Variants in SEPTIN7 observed in about 807,000 individuals in gnomAD.
The protein encoded by SEPTIN7 is septin-7.
In SEPTIN7, 10 loss-of-function variants were observed where a neutral mutation model predicts 63.3. That is an observed-to-expected ratio of 0.16 (90% confidence interval 0.10 to 0.27). The LOEUF (loss-of-function observed/expected upper bound fraction) is 0.27. Ranked by LOEUF, SEPTIN7 falls within the 10% of genes least tolerant of loss-of-function variation. The pLI, the probability that SEPTIN7 is intolerant of heterozygous loss-of-function variation, is 1.00. For synonymous variants in SEPTIN7, 131 were observed against 165.3 expected, an observed-to-expected ratio of 0.79 and a Z score of 1.59; for missense variants, 310 against 521.0, an observed-to-expected ratio of 0.59 and a Z score of 3.94.
At chr7:35,913,835 A>T in the SEPTIN7 span, among the ~76,000 whole-genome samples, 2 of 152,156 alleles carry the variant, frequency 1.3e-5, no homozygotes, top group Non-Finnish European at 2.9e-5. Context: ...AGTGAGCCTT[A>T]CACCTTGGCC....
intron 1 of SEPTIN7, among the ~76,000 whole-genome samples, chr7:35,830,254 A>G (rs1483699935): frequency 1.3e-5 from 2 of 152,036 alleles, no homozygotes; most frequent in African/African-American, 4.8e-5. Context: ...TATGCACTGT[A>G]TGTTTGGGGG....
At chr7:35,839,264 A>C (rs1784283216) in intron 3 of SEPTIN7, among the ~76,000 whole-genome samples, 1 of 152,232 alleles carries the variant, frequency 6.6e-6, no homozygotes, top group African/African-American at 2.4e-5. Context: ...TAGCAGCAAG[A>C]GATAATAATC....
chr7:35,880,223 C>CTTTTCTTTT (rs1786768910), intron 7 of SEPTIN7, among the ~76,000 whole-genome samples: 2 of 72,776 alleles, frequency 2.7e-5, no homozygotes, highest in Non-Finnish European at 5.2e-5. Context: ...TTTTTCTTTT[C>CTTTTCTTTT]TTTTTTTTTT....
At chr7:35,874,332 G>A (rs1046350988) in intron 6 of SEPTIN7, among the ~76,000 whole-genome samples, 1 of 152,218 alleles carries the variant, frequency 6.6e-6, no homozygotes, top group South Asian at 2.1e-4. Flanking sequence ...TAAGACCTAA[G>A]AATCTAGACA....
intron 1 of SEPTIN7, among the ~76,000 whole-genome samples, chr7:35,824,068 T>C (rs59284520): frequency 0.034 from 5,153 of 151,996 alleles, 315 homozygotes; most frequent in African/African-American, 0.12. Flanking sequence ...TGCTATCCTG[T>C]TGTTCTTCTC....
At chr7:35,878,121 C>G (rs1223957774) in intron 6 of SEPTIN7, among the ~76,000 whole-genome samples, 1 of 152,044 alleles carries the variant, frequency 6.6e-6, no homozygotes, top group African/African-American at 2.4e-5. Context: ...TAGTGAGGAC[C>G]CATCTGTATG....
downstream of SEPTIN7, among the ~76,000 whole-genome samples, chr7:35,908,564 A>G (rs546067011): frequency 1.2e-4 from 19 of 152,222 alleles, no homozygotes; most frequent in African/African-American, 4.1e-4. Context: ...CTGAAACCCT[A>G]TGGGGGTGGG....
chr7:35,835,489 C>T (rs1301813396), intron 3 of SEPTIN7, among the ~76,000 whole-genome samples: 2 of 152,104 alleles, frequency 1.3e-5, no homozygotes, highest in African/African-American at 4.8e-5. Flanking sequence ...AGGTTACTTG[C>T]CCATGGTTAC....
chr7:35,867,620 G>A (rs1211516377), intron 4 of SEPTIN7, among the ~76,000 whole-genome samples: 1 of 152,170 alleles, frequency 6.6e-6, no homozygotes, highest in Non-Finnish European at 1.5e-5. Context: ...AAAGTGCCGG[G>A]ATTACAGGCG....
intron 1 of SEPTIN7, among the ~76,000 whole-genome samples, chr7:35,831,090 T>C (rs953053243): frequency 2.6e-5 from 4 of 152,194 alleles, no homozygotes; most frequent in African/African-American, 9.7e-5. Flanking sequence ...GGTTCCTGTA[T>C]ACCTTCCTGG....
chr7:35,915,195 G>A, the SEPTIN7 span, among the ~76,000 whole-genome samples: 75 of 136,194 alleles, frequency 5.5e-4, no homozygotes, highest in African/African-American at 1.9e-3. Flanking sequence ...ATGAAATAAA[G>A]GGGTGGGTCT....
chr7:35,822,361 C>G (rs1289487352), intron 1 of SEPTIN7, among the ~76,000 whole-genome samples: 1 of 152,148 alleles, frequency 6.6e-6, no homozygotes, highest in Non-Finnish European at 1.5e-5. Flanking sequence ...CACACTCAGC[C>G]TAATACTTAT....
At chr7:35,857,813 A>C (rs1420610222) in intron 3 of SEPTIN7, among the ~76,000 whole-genome samples, 2 of 152,148 alleles carry the variant, frequency 1.3e-5, no homozygotes, top group Non-Finnish European at 2.9e-5. Context: ...TAGTAGTATG[A>C]GGTGTACATA....
chr7:35,826,383 A>G (rs1783517455), intron 1 of SEPTIN7, among the ~76,000 whole-genome samples: 1 of 149,610 alleles, frequency 6.7e-6, no homozygotes. Flanking sequence ...AATATGCTAT[A>G]TATATGTATA....
chr7:35,889,078 C>T (rs150373921), intron 10 of SEPTIN7, among the ~76,000 whole-genome samples: 20 of 152,196 alleles, frequency 1.3e-4, no homozygotes, highest in African/African-American at 1.7e-4. Context: ...TCACCTGTGA[C>T]GTATACTTGT....
chr7:35,911,259 CAG>C (rs1257634312), downstream of SEPTIN7, among the ~76,000 whole-genome samples: 16 of 152,194 alleles, frequency 1.1e-4, no homozygotes, highest in Non-Finnish European at 2.4e-4. Flanking sequence ...AGGGCTGACA[CAG>C]GGAACAATTA....
intron 1 of SEPTIN7, among the ~76,000 whole-genome samples, chr7:35,809,768 A>T (rs936937243): frequency 2.6e-5 from 4 of 152,246 alleles, no homozygotes; most frequent in Non-Finnish European, 4.4e-5. Flanking sequence ...AGAATTTAAA[A>T]ATCTTTATTG....
chr7:35,832,121 A>C (rs1490089746), intron 2 of SEPTIN7: 2 of 454,238 alleles, frequency 4.4e-6, no homozygotes, highest in Non-Finnish European at 4.4e-6. Flanking sequence ...GAGGTCATCT[A>C]GGAATAAAAA....
intron 1 of SEPTIN7, chr7:35,812,180 A>T (rs868204641): frequency 3.6e-5 from 6 of 167,908 alleles, no homozygotes; most frequent in Non-Finnish European, 6.6e-5. Flanking sequence ...GGCTAACTCA[A>T]CTTCAGCTGT....
Sources: allele counts gnomAD v4.1 joint callset (sites outside exome capture counted in the v4.1 genomes callset), GRCh38; gene constraint gnomAD v4.1.1; transcripts MANE v1.5; gene names NCBI Gene and HGNC (gene_info 2026-07-23, HGNC 2026-07-21).